COG4: variants seen among roughly 807,000 people sequenced by gnomAD.
The protein encoded by COG4 is conserved oligomeric Golgi complex subunit 4.
A neutral mutation model predicts 95.1 loss-of-function variants in COG4; 65 were observed. The observed-to-expected ratio is 0.68, with a 90% CI of 0.56 to 0.84. The LOEUF (loss-of-function observed/expected upper bound fraction) is 0.84, where lower values mean the gene tolerates loss of function less well. Among genes scored for constraint, COG4 ranks in the 40% least tolerant of loss-of-function variants. COG4 has a pLI of 0.00. For synonymous variants in COG4, 421 were observed against 374.8 expected, an observed-to-expected ratio of 1.12 and a Z score of -1.42; for missense variants, 1,045 against 989.1, an observed-to-expected ratio of 1.06 and a Z score of -0.76.
intron 3 of COG4, among the ~76,000 whole-genome samples, chr16:70,516,428 C>G (rs1207730447): frequency 3.3e-5 from 5 of 151,942 alleles, no homozygotes; most frequent in African/African-American, 1.2e-4. Context: ...TCCTGAGTAG[C>G]TGGGACTACA....
At chr16:70,502,280 C>CA (rs59805765) in intron 8 of COG4, among the ~76,000 whole-genome samples, 4,421 of 19,080 alleles carry the variant, frequency 0.23, 1,294 homozygotes, top group East Asian at 0.65. Flanking sequence ...GACTCCGTCT[C>CA]AAAAAAAAAA....
chr16:70,521,194 T>A (rs1262876615), intron 1 of COG4, among the ~76,000 whole-genome samples: 1 of 151,440 alleles, frequency 6.6e-6, no homozygotes, highest in African/African-American at 2.4e-5. Flanking sequence ...ATTAGAGGCA[T>A]GAGCCACTTG....
At chr16:70,496,537 AG>A (rs1032393639) in intron 11 of COG4, 106 bp from the exon 12 acceptor site, 13 of 1,152,912 alleles carry the variant, frequency 1.1e-5, no homozygotes, top group African/African-American at 1.5e-5. Flanking sequence ...GTGCTCTTTT[AG>A]GGGGAATAAC....
intron 16 of COG4, 87 bp downstream of exon 16, chr16:70,482,005 C>T (rs2049007411): frequency 7.3e-7 from 1 of 1,377,216 alleles, no homozygotes; most frequent in Non-Finnish European, 1.0e-6. Flanking sequence ...TCAGGGTCCC[C>T]AGAAGGAATG....
chr16:70,514,613 A>G lies in COG4; in HGVS notation c.370-104T>C. ...GCTGAATCTGATCAACCATATGTCA[A>G]TAGCAATCTCACAAACACCACCACT... On this transcript the variant is annotated intron_variant, in intron 3 of 18. Transcript: ENST00000323786. 3.2e-6 allele frequency: 3 copies of G among 923,866 alleles called. No individual in the cohort carries two copies. The Admixed American group carries it at 5.8e-5, about 18-fold the overall frequency. 57.2% of individuals were successfully genotyped at this position (923,866 alleles called of 1,614,324 possible).
intron 8 of COG4, among the ~76,000 whole-genome samples, chr16:70,504,782 G>A (rs1383529234): frequency 6.6e-6 from 1 of 151,584 alleles, no homozygotes; most frequent in Admixed American, 6.6e-5. Flanking sequence ...CACTGGTGGG[G>A]CGCCTGTAAT....
intron 5 of COG4, among the ~76,000 whole-genome samples, chr16:70,511,267 C>T (rs931176319): frequency 6.6e-6 from 1 of 150,400 alleles, no homozygotes; most frequent in Admixed American, 6.7e-5. Flanking sequence ...TGCTAACTCC[C>T]TCATTTTAAA....
chr16:70,506,385 A>G (rs2049567363), intron 8 of COG4, among the ~76,000 whole-genome samples: 1 of 151,744 alleles, frequency 6.6e-6, no homozygotes, highest in Admixed American at 6.6e-5. Flanking sequence ...CCTGGGTGAC[A>G]GAGCGAGACT....
chr16:70,522,385 G>C (rs765868272), intron 1 of COG4, among the ~76,000 whole-genome samples: 31 of 152,108 alleles, frequency 2.0e-4, no homozygotes, highest in Non-Finnish European at 4.4e-4. Flanking sequence ...TGCGCCTCTG[G>C]TTTCATCCAT....
chr16:70,511,374 G>A (rs1597684782), intron 5 of COG4, among the ~76,000 whole-genome samples: 1 of 152,020 alleles, frequency 6.6e-6, no homozygotes, highest in African/African-American at 2.4e-5. Context: ...TTTTCTTAAC[G>A]GCATAATAAT....
At chr16:70,499,757 T>A (rs1170294837) in intron 9 of COG4, among the ~76,000 whole-genome samples, 1 of 152,134 alleles carries the variant, frequency 6.6e-6, no homozygotes, top group African/African-American at 2.4e-5. Flanking sequence ...CCTCCCGGGT[T>A]CACGCCATTC....
intron 3 of COG4, among the ~76,000 whole-genome samples, chr16:70,515,453 A>G (rs1040651775): frequency 6.6e-6 from 1 of 152,120 alleles, no homozygotes; most frequent in African/African-American, 2.4e-5. Context: ...TCGGAAGCCG[A>G]GGTGGGTGGA....
chr16:70,481,710 T>C (rs943610554), intron 17 of COG4, 54 bp downstream of exon 17: 5 of 1,504,338 alleles, frequency 3.3e-6, no homozygotes, highest in East Asian at 2.3e-5. Flanking sequence ...TGGCATGACA[T>C]GTCTTCCTCA....
At position 70,483,840 on chromosome 16, in the gene COG4, A is replaced by T; in HGVS notation, c.1827+13T>A. ...GGCACAGGATTCAGTCAGCAGTTGA[A>T]CCTGGGGCTTACCTGCAAGAGGTCT... is the stretch of plus-strand genomic sequence containing the variant. On this transcript the variant is annotated intron_variant, in intron 14 of 18. Transcript: ENST00000323786. 1 of 1,584,176 alleles carries T rather than the reference A, an allele frequency of 6.3e-7. No homozygotes were observed.
At chr16:70,491,289 T>C (rs1035569964) in intron 12 of COG4, among the ~76,000 whole-genome samples, 4 of 151,264 alleles carry the variant, frequency 2.6e-5, no homozygotes, top group Non-Finnish European at 4.4e-5. Flanking sequence ...CCAAGGCGGG[T>C]GGATCACCTG....
Position 70,509,234 on chromosome 16 carries a change from C to T in COG4, c.999G>A (p.Gln333=). ...ACCTGTAGCTTCCCCTGCTCACCTG[C>T]TGGTGGTAGTCCCTTTGCTTGATGA... ...DKFIKQRDYH[Q]QFRHVQNNLM... is the part of the protein sequence containing the mutation. Residue 333 remains glutamine, a synonymous_variant, in exon 7 of 19, where the codon CAG becomes CAA. Transcript: ENST00000323786. 1.2e-6 allele frequency: 2 copies of T among 1,614,190 alleles called. No homozygotes were observed. The highest frequency in any genetic ancestry group is 1.7e-6 in the Non-Finnish European group (2 of 1,180,046).
At chr16:70,494,004 CT>C (rs2049294122) in intron 12 of COG4, among the ~76,000 whole-genome samples, 1 of 152,130 alleles carries the variant, frequency 6.6e-6, no homozygotes, top group Non-Finnish European at 1.5e-5. Context: ...TAGGAAGTCC[CT>C]CTCATCTTGC....
At chr16:70,510,756 GAGC>G (rs935097808) in intron 5 of COG4, among the ~76,000 whole-genome samples, 100 of 151,644 alleles carry the variant, frequency 6.6e-4, no homozygotes, top group African/African-American at 2.4e-3. Flanking sequence ...AAGTACCATA[GAGC>G]AGGTTTCCTT....
chr16:70,482,388 T>C, intron 15 of COG4: 2 of 635,184 alleles, frequency 3.1e-6, no homozygotes, highest in Non-Finnish European at 5.6e-6. Flanking sequence ...CATAACATGG[T>C]AAAGTTCCTG....
Sources: gnomAD v4.1 joint callset for allele counts (sites outside exome capture counted in the v4.1 genomes callset) on GRCh38, gnomAD v4.1.1 for gene constraint, MANE v1.5 for transcripts, NCBI Gene and HGNC (gene_info 2026-07-23, HGNC 2026-07-21) for gene names.